Variants in VAT1L observed in about 807,000 individuals in gnomAD.
The protein encoded by VAT1L is vesicle amine transport 1 like, also known as putative NADPH-dependent quinone oxidoreductase VAT1L.
VAT1L carries 34 observed loss-of-function variants against 44.1 expected under a neutral mutation model. The observed-to-expected ratio is 0.77, with a 90% CI of 0.59 to 1.03. VAT1L has a LOEUF of 1.03. Ranked by LOEUF, VAT1L falls within the 50% of genes least tolerant of loss-of-function variation. The pLI, the probability that VAT1L is intolerant of heterozygous loss-of-function variation, is 0.00. For synonymous variants in VAT1L, 253 were observed against 202.2 expected (o/e 1.25, Z -2.13); for missense variants, 615 against 538.8 (o/e 1.14, Z -1.40).
intron 7 of VAT1L, among the ~76,000 whole-genome samples, chr16:77,927,144 C>G (rs1273547575): frequency 4.6e-5 from 7 of 151,948 alleles, no homozygotes; most frequent in Non-Finnish European, 8.8e-5. Flanking sequence ...TGAGACCATC[C>G]TGGCTAACAT....
chr16:77,912,456 C>T (rs1416818763), intron 7 of VAT1L, among the ~76,000 whole-genome samples: 1 of 152,048 alleles, frequency 6.6e-6, no homozygotes, highest in Non-Finnish European at 1.5e-5. Context: ...TTTTTTTCTG[C>T]ACCCAGGCTG....
chr16:77,845,083 G>A (rs993902352), intron 3 of VAT1L, among the ~76,000 whole-genome samples: 5 of 152,036 alleles, frequency 3.3e-5, no homozygotes, highest in African/African-American at 1.2e-4. Context: ...CATTGGAAGA[G>A]CATTTTCTTC....
At chr16:77,903,221 G>A (rs1007755933) in intron 7 of VAT1L, among the ~76,000 whole-genome samples, 3 of 152,022 alleles carry the variant, frequency 2.0e-5, no homozygotes, top group African/African-American at 4.8e-5. Flanking sequence ...AATTTGGGAG[G>A]AATTACGATA....
At chr16:77,883,626 C>T (rs2017178349) in intron 6 of VAT1L, among the ~76,000 whole-genome samples, 1 of 152,172 alleles carries the variant, frequency 6.6e-6, no homozygotes, top group East Asian at 1.9e-4. Context: ...CCGCTTCAGT[C>T]ATCACAAACA....
intron 3 of VAT1L, among the ~76,000 whole-genome samples, chr16:77,833,720 C>T (rs560529621): frequency 5.3e-5 from 8 of 151,126 alleles, no homozygotes; most frequent in African/African-American, 7.3e-5. Flanking sequence ...CATTGCACTC[C>T]GGCCTGGTGA....
At chr16:77,890,383 A>C (rs947235175) in intron 7 of VAT1L, among the ~76,000 whole-genome samples, 1 of 152,108 alleles carries the variant, frequency 6.6e-6, no homozygotes, top group African/African-American at 2.4e-5. Flanking sequence ...GCTGCCAGGC[A>C]GAGGAGTTTG....
intron 7 of VAT1L, among the ~76,000 whole-genome samples, chr16:77,934,812 A>G: frequency 6.6e-6 from 1 of 152,196 alleles, no homozygotes; most frequent in East Asian, 1.9e-4. Flanking sequence ...TTCACTAACA[A>G]GCAGGAAGTA....
chr16:77,918,745 A>C (rs73564439), intron 7 of VAT1L, among the ~76,000 whole-genome samples: 5,421 of 152,254 alleles, frequency 0.036, 329 homozygotes, highest in African/African-American at 0.12. Context: ...ATCATTCCTA[A>C]ATCTTACTTT....
chr16:77,908,852 T>G (rs545258035), intron 7 of VAT1L, among the ~76,000 whole-genome samples: 1 of 151,970 alleles, frequency 6.6e-6, no homozygotes, highest in Non-Finnish European at 1.5e-5. Flanking sequence ...AGGCGGAGCT[T>G]GCAGTGAACC....
At chr16:77,909,051 G>T (rs572553170) in intron 7 of VAT1L, among the ~76,000 whole-genome samples, 39 of 152,316 alleles carry the variant, frequency 2.6e-4, no homozygotes, top group Non-Finnish European at 4.9e-4. Context: ...CACACATTGA[G>T]CATTGACCAT....
chr16:77,871,319 G>T (rs933481136), intron 4 of VAT1L, among the ~76,000 whole-genome samples: 1 of 152,060 alleles, frequency 6.6e-6, no homozygotes, highest in Non-Finnish European at 1.5e-5. Context: ...CCCCAGCCAT[G>T]CATGTGATCC....
chr16:77,903,547 C>A (rs2017406903), intron 7 of VAT1L, among the ~76,000 whole-genome samples: 1 of 151,934 alleles, frequency 6.6e-6, no homozygotes, highest in Non-Finnish European at 1.5e-5. Flanking sequence ...CCAGGGTGTA[C>A]AAAAATGGAA....
intron 4 of VAT1L, among the ~76,000 whole-genome samples, chr16:77,875,703 C>G (rs1222839690): frequency 6.6e-6 from 1 of 152,202 alleles, no homozygotes; most frequent in East Asian, 1.9e-4. Context: ...TCCACAACCT[C>G]CCATTGCTGG....
At chr16:77,870,950 C>A (rs997542031) in intron 4 of VAT1L, among the ~76,000 whole-genome samples, 1 of 152,120 alleles carries the variant, frequency 6.6e-6, no homozygotes, top group Admixed American at 6.5e-5. Flanking sequence ...CAGGGTCAGT[C>A]CCAAGGCTGC....
intron 2 of VAT1L, among the ~76,000 whole-genome samples, chr16:77,820,796 C>T (rs1455442264): frequency 6.6e-6 from 1 of 152,202 alleles, no homozygotes; most frequent in Non-Finnish European, 1.5e-5. Context: ...TATAAGGTCA[C>T]ATAAATAAAG....
rs183666406 is a variant in VAT1L at position 77,968,038 on chromosome 16, G to C, written c.1078-3812G>C. 4.1e-4 allele frequency among the ~76,000 whole-genome samples: 62 copies of C among 152,198 alleles called. 1 individual carries two copies. The highest frequency in any genetic ancestry group is 1.4e-3 in the African/African-American group (60 of 41,520). The stretch of plus-strand genomic sequence containing the variant: ...ATCAGGGTACATTATCTGTAAAATG[G>C]GGATATATTTTGCAAGGTAATAATT... On this transcript the variant is annotated intron_variant, in intron 7 of 8. Transcript: ENST00000302536.
intron 7 of VAT1L, among the ~76,000 whole-genome samples, chr16:77,937,144 G>T (rs1195614230): frequency 2.0e-5 from 3 of 152,158 alleles, no homozygotes; most frequent in African/African-American, 7.2e-5. Flanking sequence ...GCCTCCCAAA[G>T]TGCTGGGATT....
chr16:77,866,032 C>T (rs1263534962), intron 4 of VAT1L, among the ~76,000 whole-genome samples: 1 of 152,124 alleles, frequency 6.6e-6, no homozygotes, highest in African/African-American at 2.4e-5. Flanking sequence ...AGGTGACTTC[C>T]CACAATTCAT....
chr16:77,942,357 C>T (rs1055110055), intron 7 of VAT1L, among the ~76,000 whole-genome samples: 5 of 152,096 alleles, frequency 3.3e-5, no homozygotes, highest in South Asian at 2.1e-4. Context: ...TTCCCTCCCA[C>T]GATATGGAAA....
Sources: gnomAD v4.1 joint callset for allele counts (sites outside exome capture counted in the v4.1 genomes callset) on GRCh38, gnomAD v4.1.1 for gene constraint, MANE v1.5 for transcripts, NCBI Gene and HGNC (gene_info 2026-07-23, HGNC 2026-07-21) for gene names.